Variants in SORL1 observed in about 807,000 individuals in gnomAD.
SORL1 encodes the protein sortilin-related receptor.
In SORL1, 127 loss-of-function variants were observed where a neutral mutation model predicts 273.7. The ratio of observed to expected loss-of-function variants is 0.46; its 90% CI spans 0.40 to 0.54. The LOEUF (loss-of-function observed/expected upper bound fraction) is 0.54. Ranked by LOEUF, SORL1 falls within the 20% of genes least tolerant of loss-of-function variation. The probability of loss-of-function intolerance (pLI) is 0.00; values close to 1 mark genes in which losing one functional copy is unlikely to be tolerated. For synonymous variants in SORL1, 1,031 were observed against 1,067.4 expected, an observed-to-expected ratio of 0.97 and a Z score of 0.66; for missense variants, 2,494 against 2,846.1, an observed-to-expected ratio of 0.88 and a Z score of 2.81.
intron 1 of SORL1, among the ~76,000 whole-genome samples, chr11:121,469,125 G>T (rs1861133119): frequency 6.6e-6 from 1 of 152,170 alleles, no homozygotes; most frequent in African/African-American, 2.4e-5. Flanking sequence ...CTTCGGCTCT[G>T]CCCTCCTCTG....
Position 121,627,816 on chromosome 11 carries a change from C to A in SORL1, c.6577+49C>A. 1 of 1,377,904 alleles carries A rather than the reference C, an allele frequency of 7.3e-7. No individual in the cohort carries two copies. Among genetic ancestry groups the A allele is most frequent in the Non-Finnish European group, 1.0e-6 (1 of 985,440 alleles). 85.4% of individuals were successfully genotyped at this position (1,377,904 alleles called of 1,614,324 possible). On this transcript the variant is annotated intron_variant, in intron 47 of 47. Coordinates refer to ENST00000260197, the MANE Select transcript of SORL1 (RefSeq NM_003105.6). This position sits in a 1 kb window ranked among gnomAD's most constrained non-coding sequence, Gnocchi z 4.9. ...TTCTTCCTCCCAGGGCTGACCCCCACGCAGCCAATGACTTGATTAGGAAAC... is the reference window on the plus strand; with the variant it reads ...TTCTTCCTCCCAGGGCTGACCCCCAAGCAGCCAATGACTTGATTAGGAAAC...
rs1863849248 is a variant in SORL1 at position 121,629,788 on chromosome 11, T to C, written c.*225T>C. ...GATTTTAGTAACCCAATTGCTTTGATTTGACATTAATGTAGTCTTACAGGG... is the reference window on the plus strand; with the variant it reads ...GATTTTAGTAACCCAATTGCTTTGACTTGACATTAATGTAGTCTTACAGGG... On this transcript the variant is annotated 3_prime_UTR_variant, in exon 48 of 48. Transcript: ENST00000260197. 1 of 546,018 alleles carries C rather than the reference T, an allele frequency of 1.8e-6. No homozygotes were observed. Among genetic ancestry groups the C allele is most frequent in the Non-Finnish European group, 3.2e-6 (1 of 308,942 alleles). 33.8% of individuals were successfully genotyped at this position (546,018 alleles called of 1,614,324 possible).
chr11:121,557,887 A>G (rs920073009), intron 19 of SORL1, among the ~76,000 whole-genome samples: 7 of 152,228 alleles, frequency 4.6e-5, no homozygotes, highest in African/African-American at 1.2e-4. Context: ...GAAATTCTGG[A>G]TTTGACATTC....
intron 18 of SORL1, chr11:121,557,009 AT>A (rs1378912805): frequency 5.5e-6 from 2 of 361,832 alleles, no homozygotes; most frequent in African/African-American, 4.1e-5. Flanking sequence ...TCATTTGCTT[AT>A]TTACTTATTT....
At chr11:121,622,377 GAAAAAGAATA>G in intron 45 of SORL1, 109 bp downstream of exon 45, 1 of 621,628 alleles carries the variant, frequency 1.6e-6, no homozygotes, top group Non-Finnish European at 2.8e-6. Context: ...AAAAAAGAAA[GAAAAAGAATA>G]GGACATGGAC....
rs572262215 is a variant in SORL1, at chr11:121,550,779, A to G, written c.2266+109A>G. 1 of 795,694 alleles carries G rather than the reference A, an allele frequency of 1.3e-6. No individual in the cohort carries two copies. The highest frequency in any genetic ancestry group is 1.7e-5 in the African/African-American group (1 of 57,594). The allele number at this position is 795,694 out of a possible 1,614,324, so 49.3% of individuals were successfully genotyped here. A position where few individuals can be genotyped will look rare whatever the true frequency, so the allele number is the denominator to read the frequency against. On this transcript the variant is annotated intron_variant, in intron 16 of 47. Transcript: ENST00000260197. This position sits in a 1 kb window ranked among gnomAD's most constrained non-coding sequence, Gnocchi z 5.3. ...CTCCTTTAATTGAGTGGAGAAAAAC[A>G]ATGGCCGTCACAAGCATCACAGGGC... is the stretch of plus-strand genomic sequence containing the variant.
Position 121,452,647 on chromosome 11 carries a change from GT to G in SORL1, c.285+37del, listed in dbSNP as rs1860822689. 7.0e-7 allele frequency: 1 copy of G among 1,423,550 alleles called. No homozygotes were observed. Among genetic ancestry groups the G allele is most frequent in the Non-Finnish European group, 9.2e-7 (1 of 1,091,050 alleles). The allele number at this position is 1,423,550 out of a possible 1,614,324, so 88.2% of individuals were successfully genotyped here. ...CAGTTTTGCAACCCGCCTCCCTCCA[GT>G]TTTTTCCTCTCCCTGCACTTCCTCA... On this transcript the variant is annotated intron_variant, in intron 1 of 47. Coordinates refer to ENST00000260197, the MANE Select transcript of SORL1 (RefSeq NM_003105.6). This position sits in a 1 kb window ranked among gnomAD's most constrained non-coding sequence, Gnocchi z 5.3.
chr11:121,629,354 G>T, intron 47 of SORL1, 142 bp from the exon 48 acceptor site: 3 of 607,898 alleles, frequency 4.9e-6, no homozygotes, highest in Non-Finnish European at 3.0e-6. Context: ...TTTCACAGCT[G>T]ATTATGGTGG....
At chr11:121,606,655 G>A (rs563612774) in intron 35 of SORL1, among the ~76,000 whole-genome samples, 190 bp from the exon 36 acceptor site, 2 of 152,268 alleles carry the variant, frequency 1.3e-5, no homozygotes, top group East Asian at 1.9e-4. Flanking sequence ...ATGTGTGGAC[G>A]GCACACCTTG....
intron 32 of SORL1, among the ~76,000 whole-genome samples, chr11:121,601,144 G>C (rs958411384): frequency 1.4e-5 from 2 of 146,834 alleles, no homozygotes; most frequent in African/African-American, 5.0e-5. Flanking sequence ...AGAATATGTG[G>C]TGTTTGGTTT....
intron 47 of SORL1, chr11:121,629,228 T>C: frequency 2.1e-6 from 1 of 467,508 alleles, no homozygotes; most frequent in African/African-American, 1.9e-5. Context: ...AAGAGTCTTC[T>C]CCTGAGAAGC....
intron 12 of SORL1, among the ~76,000 whole-genome samples, chr11:121,537,855 C>T (rs145580168): frequency 2.9e-3 from 438 of 152,322 alleles, no homozygotes; most frequent in African/African-American, 0.01. Context: ...TGGAGATGCA[C>T]AGTAGATACT....
chr11:121,618,475 A>G (rs1308954637), intron 41 of SORL1, among the ~76,000 whole-genome samples: 1 of 151,988 alleles, frequency 6.6e-6, no homozygotes, highest in Non-Finnish European at 1.5e-5. Flanking sequence ...TGTAGCATCT[A>G]ACACTCTATG....
intron 41 of SORL1, among the ~76,000 whole-genome samples, chr11:121,616,210 G>C (rs1384583518): frequency 6.6e-6 from 1 of 152,158 alleles, no homozygotes; most frequent in Non-Finnish European, 1.5e-5. Context: ...ACTGAAGCCT[G>C]ACTTGATTTA....
Position 121,607,352 on chromosome 11 carries a change from G to C in SORL1, c.5166+62G>C, listed in dbSNP as rs1555087589. On this transcript the variant is annotated intron_variant, in intron 37 of 47. Transcript: ENST00000260197. Reference sequence around the variant, plus strand: ...CTTAGAACTGAGCGAAATTGCTGCTGTTTTGTGAGAACTCTCTACTCACCT... The same window carrying C: ...CTTAGAACTGAGCGAAATTGCTGCTCTTTTGTGAGAACTCTCTACTCACCT... 3 of 919,284 alleles carry C rather than the reference G, an allele frequency of 3.3e-6. 1 individual carries two copies. In the South Asian group the frequency reaches 4.1e-5, roughly 13 times the overall value. The allele number at this position is 919,284 out of a possible 1,614,324, so 56.9% of individuals were successfully genotyped here.
At chr11:121,577,161 T>C in intron 24 of SORL1, 120 bp from the exon 25 acceptor site, 1 of 1,321,092 alleles carries the variant, frequency 7.6e-7, no homozygotes, top group East Asian at 2.3e-5. Flanking sequence ...TCGTTCATGG[T>C]CTCTGTGGAT....
chr11:121,540,005 A>T (rs1439610253), intron 12 of SORL1, among the ~76,000 whole-genome samples: 1 of 152,184 alleles, frequency 6.6e-6, no homozygotes, highest in Non-Finnish European at 1.5e-5. Context: ...ATAAACCTTG[A>T]TTCATTTTGA....
At position 121,578,406 on chromosome 11, in the gene SORL1, C is replaced by T. The variant is rs557077702; in HGVS notation, c.3580+1006C>T. Among the ~76,000 whole-genome samples, 5 of 152,324 alleles carry T rather than the reference C, an allele frequency of 3.3e-5. 1 individual carries two copies. In the South Asian group the frequency reaches 1.0e-3, roughly 32 times the overall value. ...CTCCTCTGCCCCCAGAGTATCCCAG[C>T]ACTTCCTACACTGCCCGGCATCTGG... On this transcript the variant is annotated intron_variant, in intron 25 of 47. Transcript: ENST00000260197.
At chr11:121,516,207 A>T (rs1156457939) in intron 8 of SORL1, among the ~76,000 whole-genome samples, 1 of 152,204 alleles carries the variant, frequency 6.6e-6, no homozygotes, top group Non-Finnish European at 1.5e-5. Context: ...CAGGAAGACT[A>T]GTTGTGAAAG....
Sources: allele counts gnomAD v4.1 joint callset (sites outside exome capture counted in the v4.1 genomes callset), GRCh38; gene constraint gnomAD v4.1.1; non-coding constraint Gnocchi (gnomAD v3.1); transcripts MANE v1.5; gene names NCBI Gene and HGNC (gene_info 2026-07-23, HGNC 2026-07-21).